HPSE2: variants seen among roughly 807,000 people sequenced by gnomAD.
HPSE2 encodes the protein inactive heparanase-2.
HPSE2 carries 38 observed loss-of-function variants against 60.5 expected under a neutral mutation model. That is an observed-to-expected ratio of 0.63 (90% CI 0.48 to 0.82). The LOEUF (loss-of-function observed/expected upper bound fraction) is 0.82, where lower values mean the gene tolerates loss of function less well. Among genes scored for constraint, HPSE2 ranks in the 40% least tolerant of loss-of-function variants. The probability of loss-of-function intolerance (pLI) is 0.00; values close to 1 mark genes in which losing one functional copy is unlikely to be tolerated. For missense variants in HPSE2, 713 were observed against 740.4 expected (o/e 0.96, Z 0.43); for synonymous variants, 295 against 293.2 (o/e 1.01, Z -0.06).
At chr10:98,510,421 A>G (rs1400117437) in intron 9 of HPSE2, among the ~76,000 whole-genome samples, 1 of 152,164 alleles carries the variant, frequency 6.6e-6, no homozygotes, top group African/African-American at 2.4e-5. Context: ...GCTTTTTGCC[A>G]GGATCTGCAT....
intron 3 of HPSE2, among the ~76,000 whole-genome samples, chr10:98,970,591 G>A (rs533279559): frequency 1.2e-4 from 18 of 152,240 alleles, no homozygotes; most frequent in East Asian, 3.9e-4. Flanking sequence ...TATTTAAAAA[G>A]CACATTGACT....
chr10:98,983,486 C>T (rs949719134), intron 3 of HPSE2, among the ~76,000 whole-genome samples: 6 of 152,188 alleles, frequency 3.9e-5, no homozygotes, highest in South Asian at 2.1e-4. Flanking sequence ...TAATCCACAA[C>T]GTATGGAGAT....
Position 98,755,385 on chromosome 10 carries a change from G to T in HPSE2, c.611-11329C>A, listed in dbSNP as rs1360686114. On this transcript the variant is annotated intron_variant, in intron 3 of 11. Transcript: ENST00000370552. The stretch of plus-strand genomic sequence containing the variant: ...CAGATTCATAAAACAAGTTATTAGA[G>T]AACTATGAAGAGATTTAGATACCCA... Among the ~76,000 whole-genome samples the T allele has an allele frequency of 2.0e-5, 3 of 152,092 alleles. No homozygotes were observed. The East Asian group carries it at 5.8e-4, about 29-fold the overall frequency.
intron 2 of HPSE2, among the ~76,000 whole-genome samples, chr10:99,175,851 C>T (rs150745780): frequency 5.6e-4 from 86 of 152,314 alleles, no homozygotes; most frequent in African/African-American, 1.8e-3. Flanking sequence ...CAGGGGTCAA[C>T]AGACACCTCA....
chr10:99,253,474 A>G, the HPSE2 span, among the ~76,000 whole-genome samples: 185 of 152,326 alleles, frequency 1.2e-3, no homozygotes, highest in Middle Eastern at 0.01. Context: ...CTTTCACCAT[A>G]TGAAAAAATT....
intron 3 of HPSE2, among the ~76,000 whole-genome samples, chr10:98,890,819 C>T (rs751886850): frequency 1.3e-5 from 2 of 152,174 alleles, no homozygotes; most frequent in African/African-American, 2.4e-5. Context: ...AGAGGATATG[C>T]TTTTGACATG....
intron 6 of HPSE2, among the ~76,000 whole-genome samples, chr10:98,665,981 T>A (rs72840536): frequency 6.6e-6 from 1 of 152,106 alleles, no homozygotes; most frequent in African/African-American, 2.4e-5. Context: ...TTAAAAGGCA[T>A]AGAGTGACAA....
chr10:99,105,798 G>T (rs1259055307), intron 3 of HPSE2, among the ~76,000 whole-genome samples: 1 of 151,890 alleles, frequency 6.6e-6, no homozygotes. Flanking sequence ...TAAACTTCGT[G>T]TGTGGTCTGA....
At chr10:98,979,150 T>G (rs1366073316) in intron 3 of HPSE2, among the ~76,000 whole-genome samples, 1 of 152,198 alleles carries the variant, frequency 6.6e-6, no homozygotes, top group Non-Finnish European at 1.5e-5. Context: ...GGAGAAAATA[T>G]GTGTGTTAGG....
intron 2 of HPSE2, among the ~76,000 whole-genome samples, chr10:99,204,272 T>C (rs939556932): frequency 6.6e-6 from 1 of 152,050 alleles, no homozygotes; most frequent in African/African-American, 2.4e-5. Context: ...TCCAACCCCA[T>C]GTAACCAGGT....
chr10:99,186,966 T>C (rs1848053286), intron 2 of HPSE2, among the ~76,000 whole-genome samples: 1 of 151,944 alleles, frequency 6.6e-6, no homozygotes, highest in African/African-American at 2.4e-5. Context: ...GTATTTTTTG[T>C]AGAGATGGAG....
intron 11 of HPSE2, among the ~76,000 whole-genome samples, chr10:98,473,797 A>G (rs555129681): frequency 2.1e-3 from 313 of 152,330 alleles, no homozygotes; most frequent in African/African-American, 7.3e-3. Flanking sequence ...GGCCTAATAC[A>G]TGGAGGCTCT....
At chr10:99,282,888 G>A in the HPSE2 span, among the ~76,000 whole-genome samples, 377 of 152,166 alleles carry the variant, frequency 2.5e-3, 1 homozygote, top group African/African-American at 8.1e-3. Context: ...AAATGCCTAC[G>A]TTAAAAAAAG....
chr10:99,307,234 T>A, the HPSE2 span, among the ~76,000 whole-genome samples: 1 of 152,194 alleles, frequency 6.6e-6, no homozygotes, highest in Non-Finnish European at 1.5e-5. Flanking sequence ...AACAGGAGTA[T>A]TGGAGTGGAT....
chr10:98,581,726 G>C (rs1232217143), intron 9 of HPSE2, among the ~76,000 whole-genome samples: 1 of 152,078 alleles, frequency 6.6e-6, no homozygotes, highest in Non-Finnish European at 1.5e-5. Flanking sequence ...AAGTCAGTCT[G>C]CTTTTTATTA....
chr10:98,772,356 T>A (rs1950258996), intron 3 of HPSE2, among the ~76,000 whole-genome samples: 1 of 152,110 alleles, frequency 6.6e-6, no homozygotes, highest in Non-Finnish European at 1.5e-5. Flanking sequence ...GTTGCCCCAA[T>A]CAAGAGTCCT....
chr10:98,781,158 A>G (rs935468985), intron 3 of HPSE2, among the ~76,000 whole-genome samples: 3 of 152,102 alleles, frequency 2.0e-5, no homozygotes, highest in African/African-American at 7.2e-5. Flanking sequence ...GGGCTAAACC[A>G]CTAACATCTA....
chr10:98,748,714 A>T (rs940947164), intron 3 of HPSE2, among the ~76,000 whole-genome samples: 1 of 152,158 alleles, frequency 6.6e-6, no homozygotes, highest in Admixed American at 6.5e-5. Context: ...AGAAAACCTT[A>T]AGAAATGTCC....
intron 3 of HPSE2, among the ~76,000 whole-genome samples, chr10:98,987,571 T>A (rs1288600222): frequency 5.3e-5 from 8 of 152,286 alleles, no homozygotes; most frequent in African/African-American, 1.9e-4. Flanking sequence ...GCACTCCCTT[T>A]GAAAACTGGC....
Sources: allele counts gnomAD v4.1 joint callset (sites outside exome capture counted in the v4.1 genomes callset), GRCh38; gene constraint gnomAD v4.1.1; transcripts MANE v1.5; gene names NCBI Gene and HGNC (gene_info 2026-07-23, HGNC 2026-07-21).